TRIP11: variants seen among roughly 807,000 people sequenced by gnomAD.
TRIP11 encodes thyroid hormone receptor interactor 11, also known as thyroid receptor-interacting protein 11.
In TRIP11, 148 loss-of-function variants were observed where a neutral mutation model predicts 223.1. The ratio of observed to expected loss-of-function variants is 0.66; its 90% CI spans 0.58 to 0.76. The LOEUF is 0.76. Ranked by LOEUF, TRIP11 falls within the 30% of genes least tolerant of loss-of-function variation. TRIP11 has a pLI of 0.00. For synonymous variants in TRIP11, 762 were observed against 772.6 expected (o/e 0.99, Z 0.23); for missense variants, 2,043 against 2,222.0 (o/e 0.92, Z 1.62).
intron 2 of TRIP11, among the ~76,000 whole-genome samples, chr14:92,028,744 G>C (rs377651332): frequency 6.6e-5 from 10 of 152,294 alleles, no homozygotes; most frequent in Admixed American, 5.2e-4. Context: ...AATGAAAAGA[G>C]AGACAGACTC....
At position 92,004,790 on chromosome 14, in the gene TRIP11, C is replaced by T; in HGVS notation, c.3186G>A (p.Gln1062=). Reference sequence around the variant, plus strand: ...GAGCTTGTATCTCCAAATCTTTCTGCTGAATAATCTGAGTTAGTTTACCAA... The same window carrying T: ...GAGCTTGTATCTCCAAATCTTTCTGTTGAATAATCTGAGTTAGTTTACCAA... ...DEVGKLTQII[Q]QKDLEIQALH... is the part of the protein sequence containing the mutation. The change falls in exon 11 of 21, where the codon CAG becomes CAA. Residue 1062 remains glutamine (Q), a synonymous_variant. Transcript: ENST00000267622. 6.2e-7 allele frequency: 1 copy of T among 1,614,138 alleles called. No homozygotes were observed. The highest frequency in any genetic ancestry group is 1.1e-5 in the South Asian group (1 of 91,084).
At chr14:91,981,686 C>G (rs2056547529) in intron 16 of TRIP11, among the ~76,000 whole-genome samples, 1 of 152,264 alleles carries the variant, frequency 6.6e-6, no homozygotes, top group South Asian at 2.1e-4. Flanking sequence ...GGCCACCGTG[C>G]CCAGCCCTGC....
At chr14:92,023,910 C>T (rs1055258905) in intron 3 of TRIP11, among the ~76,000 whole-genome samples, 2 of 150,140 alleles carry the variant, frequency 1.3e-5, no homozygotes, top group Non-Finnish European at 2.9e-5. Flanking sequence ...GGCTAGAATG[C>T]AGTGGCGTGA....
intron 16 of TRIP11, among the ~76,000 whole-genome samples, chr14:91,984,946 T>C (rs1187644449): frequency 1.3e-5 from 2 of 152,224 alleles, no homozygotes; most frequent in African/African-American, 4.8e-5. Context: ...AGGATAGCAG[T>C]AATTCTTTTA....
At chr14:91,979,575 T>C (rs1800782555) in intron 16 of TRIP11, among the ~76,000 whole-genome samples, 1 of 152,092 alleles carries the variant, frequency 6.6e-6, no homozygotes, top group African/African-American at 2.4e-5. Flanking sequence ...GAACATACAG[T>C]TTGTCCCTGA....
rs1318318915 is a variant in TRIP11 at position 92,014,520 on chromosome 14, A to C, written c.881T>G (p.Ile294Ser). The C allele has an allele frequency of 6.3e-7, 1 of 1,599,858 alleles. No individual in the cohort carries two copies. Among genetic ancestry groups the C allele is most frequent in the Non-Finnish European group, 8.5e-7 (1 of 1,176,788 alleles). Residue 294 changes from isoleucine (I) to serine (S), a missense_variant, in exon 7 of 21, where the codon ATT (isoleucine) becomes AGT (serine). Ile to Ser is a moderately radical substitution (Grantham distance 142, BLOSUM62 -2). Transcript: ENST00000267622. ...CACTTTTTCTATTTGTAGAACTTGAATAGTTTTTTGCATCTCATAGATTTT... is the reference window on the plus strand; with the variant it reads ...CACTTTTTCTATTTGTAGAACTTGACTAGTTTTTTGCATCTCATAGATTTT... ...LSKIYEMQKTIQVLQIEKVES... is the reference protein window; with the variant it reads ...LSKIYEMQKTSQVLQIEKVES...
chr14:92,010,767 G>C (rs2056961863), intron 9 of TRIP11, among the ~76,000 whole-genome samples: 1 of 151,732 alleles, frequency 6.6e-6, no homozygotes, highest in South Asian at 2.1e-4. Flanking sequence ...GATTCTGTGT[G>C]CCTACTAGCT....
At chr14:91,999,140 T>G (rs1166307517) in intron 13 of TRIP11, 100 bp downstream of exon 13, 2 of 1,309,772 alleles carry the variant, frequency 1.5e-6, no homozygotes, top group Non-Finnish European at 2.1e-6. Context: ...ATACAGATAA[T>G]GAATTTTGCA....
chr14:92,019,847 T>C (rs1269981173), intron 4 of TRIP11, among the ~76,000 whole-genome samples: 1 of 152,206 alleles, frequency 6.6e-6, no homozygotes, highest in African/African-American at 2.4e-5. Context: ...TAATATTACT[T>C]AAAATAGTGT....
In TRIP11 at chr14:92,007,624, T is replaced by G; in HGVS notation, c.1527+16A>C. 6.2e-7 allele frequency: 1 copy of G among 1,612,096 alleles called. No homozygotes were observed. The highest frequency in any genetic ancestry group is 8.5e-7 in the Non-Finnish European group (1 of 1,179,026). On this transcript the variant is annotated intron_variant, in intron 10 of 20. Transcript: ENST00000267622. The stretch of plus-strand genomic sequence containing the variant: ...TAGTAGAATGTGCTGCCTTACTGTA[T>G]TTAATACAGTGTTACCTTTGTAGCT...
At position 92,006,392 on chromosome 14, in the gene TRIP11, G is replaced by A. The variant is rs2056903621; in HGVS notation, c.1584C>T (p.Ile528=). 1 of 1,612,732 alleles carries A rather than the reference G, an allele frequency of 6.2e-7. No homozygotes were observed. The highest frequency in any genetic ancestry group is 8.5e-7 in the Non-Finnish European group (1 of 1,179,628). The part of the protein sequence containing the change: ...LSKQQNEGDS[I]ISKLKQDLND... ...TTAGATCTTGTTTCAGTTTACTGAT[G>A]ATGCTATCTCCTTCATTTTGTTGTT... Residue 528 remains isoleucine (I), a synonymous_variant, in exon 11 of 21, where the codon ATC becomes ATT. Coordinates refer to ENST00000267622, the MANE Select transcript of TRIP11 (RefSeq NM_004239.4).
chr14:92,024,812 C>T (rs2057161081), intron 3 of TRIP11, among the ~76,000 whole-genome samples: 1 of 152,076 alleles, frequency 6.6e-6, no homozygotes, highest in Non-Finnish European at 1.5e-5. Context: ...TTTAAGGATT[C>T]AGAGTAACAT....
In TRIP11 at chr14:92,005,647, C is replaced by T. The variant is rs1422813741; in HGVS notation, c.2329G>A (p.Glu777Lys). 1 of 1,613,618 alleles carries T rather than the reference C, an allele frequency of 6.2e-7. No individual in the cohort carries two copies. The highest frequency in any genetic ancestry group is 8.5e-7 in the Non-Finnish European group (1 of 1,180,010). Reference sequence around the variant, plus strand: ...ATTTGTTCAATATTCTTTTTGAGTTCTGCTATTTCCATGTCTTTCTTTTGA... The same window carrying T: ...ATTTGTTCAATATTCTTTTTGAGTTTTGCTATTTCCATGTCTTTCTTTTGA... ...LNQKKDMEIA[E>K]LKKNIEQMDT... is the part of the protein sequence containing the mutation. The change falls in exon 11 of 21, where the codon GAA (glutamate) becomes AAA (lysine). Residue 777 changes from glutamate (E) to lysine (K), a missense_variant. Physicochemically the swap from Glu to Lys is moderately conservative, Grantham distance 56. Transcript: ENST00000267622.
rs756230567 is a variant in TRIP11, at chr14:92,011,033, G to T, written c.1267C>A (p.Arg423Ser). 3 of 1,613,540 alleles carry T rather than the reference G, an allele frequency of 1.9e-6. No homozygotes were observed. The highest frequency in any genetic ancestry group is 3.3e-5 in the Admixed American group (2 of 59,958). The change falls in exon 9 of 21, where the codon CGT becomes AGT. Residue 423 changes from arginine (R) to serine (S), a missense_variant. Transcript: ENST00000267622. ...LAEDNLKLKM[R>S]IEVLEKEKSL... ...TTCTCTTTTTCTAAAACTTCGATAC[G>T]CATTTTAAGTTTCAGATTGTCTTCA...
chr14:92,032,661 T>C (rs1391279339), intron 2 of TRIP11, among the ~76,000 whole-genome samples: 1 of 151,802 alleles, frequency 6.6e-6, no homozygotes. Context: ...GGTGAAACCC[T>C]GTCTCTACTA....
chr14:92,013,079 C>T (rs894689503), intron 7 of TRIP11, among the ~76,000 whole-genome samples: 9 of 152,052 alleles, frequency 5.9e-5, no homozygotes, highest in African/African-American at 1.2e-4. Context: ...TCATCCTGGC[C>T]AACATGGTGA....
At chr14:91,983,395 AAG>A (rs1357482604) in intron 16 of TRIP11, among the ~76,000 whole-genome samples, 72 of 152,340 alleles carry the variant, frequency 4.7e-4, no homozygotes, top group Non-Finnish European at 7.4e-5. Context: ...ACTGGACAAA[AAG>A]AACAATTTAT....
chr14:92,011,548 C>A (rs1195818772), intron 8 of TRIP11, among the ~76,000 whole-genome samples: 1 of 141,688 alleles, frequency 7.1e-6, no homozygotes, highest in East Asian at 2.1e-4. Flanking sequence ...ACGAATGAAA[C>A]CAGTCATGCA....
intron 14 of TRIP11, among the ~76,000 whole-genome samples, chr14:91,994,138 C>T (rs549656140): frequency 2.0e-5 from 3 of 152,218 alleles, no homozygotes; most frequent in East Asian, 3.9e-4. Context: ...TCTCTCCCTT[C>T]GTAACTCTTC....
Sources: allele counts gnomAD v4.1 joint callset (sites outside exome capture counted in the v4.1 genomes callset), GRCh38; gene constraint gnomAD v4.1.1; transcripts MANE v1.5; gene names NCBI Gene and HGNC (gene_info 2026-07-23, HGNC 2026-07-21).